The following ABTB1 variants were observed in gnomAD, a reference collection of about 807,000 sequenced individuals.
The protein encoded by ABTB1 is ankyrin repeat and BTB/POZ domain-containing protein 1.
Under a neutral mutation model 57.1 loss-of-function variants are expected in ABTB1, and 45 were observed. The ratio of observed to expected loss-of-function variants is 0.79; its 90% confidence interval spans 0.62 to 1.01. ABTB1 has a LOEUF of 1.01. ABTB1 is among the 50% of genes least tolerant of loss of function. ABTB1 has a pLI of 0.00. For synonymous variants in ABTB1, 302 were observed against 275.4 expected (o/e 1.10, Z -0.95); for missense variants, 630 against 666.3 (o/e 0.95, Z 0.60).
In ABTB1 at chr3:127,680,320, G is replaced by T; in HGVS notation, c.1282G>T (p.Val428Leu). The T allele has an allele frequency of 6.2e-7, 1 of 1,611,790 alleles. No homozygotes were observed. The highest frequency in any genetic ancestry group is 1.1e-5 in the South Asian group (1 of 90,970). The change falls in exon 12 of 12, where the codon GTG (valine) becomes TTG (leucine). Residue 428 changes from valine to leucine, a missense_variant. By Grantham distance (32) the Val-to-Leu change is conservative. Coordinates refer to ENST00000232744, the MANE Select transcript of ABTB1 (RefSeq NM_172027.3). Reference protein sequence around the residue: ...VEAVKEEAAAVAARQETDSIP... With the variant: ...VEAVKEEAAALAARQETDSIP... ...GGCGGTGAAGGAGGAGGCAGCGGCTGTGGCAGCCCGGCAGGAGACGGACTC... is the reference window on the plus strand; with the variant it reads ...GGCGGTGAAGGAGGAGGCAGCGGCTTTGGCAGCCCGGCAGGAGACGGACTC...
rs762602474 is a variant in ABTB1 at position 127,680,767 on chromosome 3, C to T, written c.*292C>T. The T allele has an allele frequency of 9.0e-6, 6 of 667,434 alleles. No homozygotes were observed. In the Admixed American group the frequency reaches 9.6e-5, roughly 11 times the overall value. The allele number at this position is 667,434 out of a possible 1,614,324, so 41.3% of individuals were successfully genotyped here. On this transcript the variant is annotated 3_prime_UTR_variant, in exon 12 of 12. Transcript: ENST00000232744. ...GCTTTGGTCTTAGCACTTTCCTTCTCCAGATCCCCCCTACCCACCCCAGTC... is the reference window on the plus strand; with the variant it reads ...GCTTTGGTCTTAGCACTTTCCTTCTTCAGATCCCCCCTACCCACCCCAGTC...
chr3:127,678,234 C>T (rs2075033745), intron 10 of ABTB1: 2 of 231,904 alleles, frequency 8.6e-6, no homozygotes, highest in South Asian at 6.4e-5. Context: ...CCAAGGTGTC[C>T]GTAAGCCAAG....
Position 127,676,786 on chromosome 3 carries a change from G to T in ABTB1, c.527-181G>T. The T allele has an allele frequency of 1.2e-6, 1 of 828,550 alleles. No homozygotes were observed. The allele number at this position is 828,550 out of a possible 1,614,324, so 51.3% of individuals were successfully genotyped here. ...GAGCTTGTCCCACCCACATGCTGAG[G>T]CCCTCCCATCTGTTCCCTGGGGCCT... is the stretch of plus-strand genomic sequence containing the variant. On this transcript the variant is annotated intron_variant, in intron 6 of 11. Coordinates refer to ENST00000232744, the MANE Select transcript of ABTB1 (RefSeq NM_172027.3). The surrounding 1 kb of genome is among the most constrained non-coding windows in gnomAD (Gnocchi z 5.4).
Position 127,677,024 on chromosome 3 carries a change from G to C in ABTB1, c.584G>C (p.Cys195Ser). ...VSDCERLAKQCQLWDLLSDLE... is the reference protein window; with the variant it reads ...VSDCERLAKQSQLWDLLSDLE... ...GACTGTGAGCGCCTGGCCAAGCAAT[G>C]CCAGCTGTGGGACCTGCTCAGCGAC... Residue 195 changes from cysteine (C) to serine (S), a missense_variant, in exon 7 of 12, where the codon TGC (cysteine) becomes TCC (serine). Physicochemically the swap from Cys to Ser is moderately radical, Grantham distance 112. Coordinates refer to ENST00000232744, the MANE Select transcript of ABTB1 (RefSeq NM_172027.3). 6.2e-7 allele frequency: 1 copy of C among 1,614,102 alleles called. No homozygotes were observed. Among genetic ancestry groups the C allele is most frequent in the Non-Finnish European group, 8.5e-7 (1 of 1,179,990 alleles).
chr3:127,676,666 T>G lies in ABTB1; in HGVS notation c.526+85T>G. On this transcript the variant is annotated intron_variant, in intron 6 of 11. Transcript: ENST00000232744. This position sits in a 1 kb window ranked among gnomAD's most constrained non-coding sequence, Gnocchi z 5.4. ...ACACCTAGGTGTGGCTGGGCTGACC[T>G]TTCACCTCTAGACACTTCATGGTCC... 1 of 1,550,630 alleles carries G rather than the reference T, an allele frequency of 6.4e-7. No individual in the cohort carries two copies.
Position 127,680,185 on chromosome 3 carries a change from G to T in ABTB1, c.1230G>T (p.Lys410Asn), listed in dbSNP as rs754854039. ...CTEYMAKVIE[K>N]LVEREDFVEA... ...AGTACATGGCCAAGGTCATTGAGAAGGTGGGCCAGTGGTCTGCAGTGGGTG... is the reference window on the plus strand; with the variant it reads ...AGTACATGGCCAAGGTCATTGAGAATGTGGGCCAGTGGTCTGCAGTGGGTG... The change falls in exon 11 of 12, where the codon AAG (lysine) becomes AAT (asparagine). Residue 410 changes from lysine (K) to asparagine (N), a missense_variant and splice_region_variant. This residue lies in a region of ABTB1 where 579 missense variants were observed against 585.9 expected (regional missense o/e 0.99). Coordinates refer to ENST00000232744, the MANE Select transcript of ABTB1 (RefSeq NM_172027.3). 17 of 1,613,710 alleles carry T rather than the reference G, an allele frequency of 1.1e-5. No homozygotes were observed. Among genetic ancestry groups the T allele is most frequent in the Non-Finnish European group, 1.4e-5 (17 of 1,179,966 alleles).
intron 1 of ABTB1, 75 bp downstream of exon 1, chr3:127,673,156 G>T: frequency 7.3e-7 from 1 of 1,376,266 alleles, no homozygotes; most frequent in Admixed American, 3.3e-5. Context: ...GGGACGGGCG[G>T]CTGGGCGGCC....
rs1576446594 is a variant in ABTB1 at position 127,676,663 on chromosome 3, A to C, written c.526+82A>C. 1 of 1,556,602 alleles carries C rather than the reference A, an allele frequency of 6.4e-7. No homozygotes were observed. The highest frequency in any genetic ancestry group is 8.8e-7 in the Non-Finnish European group (1 of 1,132,130). ...AGTACACCTAGGTGTGGCTGGGCTG[A>C]CCTTTCACCTCTAGACACTTCATGG... On this transcript the variant is annotated intron_variant, in intron 6 of 11. Coordinates refer to ENST00000232744, the MANE Select transcript of ABTB1 (RefSeq NM_172027.3). This position sits in a 1 kb window ranked among gnomAD's most constrained non-coding sequence, Gnocchi z 5.4.
Position 127,680,039 on chromosome 3 carries a change from C to T in ABTB1, c.1084C>T (p.Pro362Ser), listed in dbSNP as rs1353498181. Residue 362 changes from proline (P) to serine (S), a missense_variant, in exon 11 of 12, where the codon CCA (proline) becomes TCA (serine). Coordinates refer to ENST00000232744, the MANE Select transcript of ABTB1 (RefSeq NM_172027.3). The part of the protein sequence containing the change: ...VLSVADMYLL[P>S]GLKRLCGRSL... ...GAGCGTCGCCGACATGTACCTGCTG[C>T]CAGGCCTGAAGAGGCTGTGCGGCCG... is the stretch of plus-strand genomic sequence containing the variant. 1 of 1,613,794 alleles carries T rather than the reference C, an allele frequency of 6.2e-7. No individual in the cohort carries two copies.
At position 127,673,149 on chromosome 3, in the gene ABTB1, A is replaced by ACGGGCGGCTGGGCGGCCGCGGAGAGG. The variant is rs1452828753; in HGVS notation, c.56+75_56+100dup. 44 of 1,400,024 alleles carry ACGGGCGGCTGGGCGGCCGCGGAGAGG rather than the reference A, an allele frequency of 3.1e-5. No individual in the cohort carries two copies. In the Admixed American group the frequency reaches 9.0e-4, roughly 29 times the overall value. The allele number at this position is 1,400,024 out of a possible 1,614,324, so 86.7% of individuals were successfully genotyped here. The stretch of plus-strand genomic sequence containing the variant: ...CCCTCGGAACGCCTCGGGCCCTGGG[A>ACGGGCGGCTGGGCGGCCGCGGAGAGG]CGGGCGGCTGGGCGGCCGCGGAGAG... On this transcript the variant is annotated intron_variant, in intron 1 of 11. Transcript: ENST00000232744.
Sources: gnomAD v4.1 joint callset for allele counts on GRCh38, gnomAD v4.1.1 for gene constraint, gnomAD v4.1.1 regional missense constraint, Gnocchi (gnomAD v3.1) non-coding constraint, MANE v1.5 for transcripts, NCBI Gene and HGNC (gene_info 2026-07-23, HGNC 2026-07-21) for gene names.